C11orf97: variants seen among roughly 807,000 people sequenced by gnomAD.
C11orf97 encodes the protein uncharacterized protein C11orf97.
Under a neutral mutation model 16.2 loss-of-function variants are expected in C11orf97, and 15 were observed. The observed-to-expected ratio is 0.93, with a 90% CI of 0.62 to 1.43. The LOEUF is 1.43. C11orf97 is among the 40% of genes most tolerant of loss of function. The pLI is 0.00. For synonymous variants in C11orf97, 61 were observed against 65.7 expected, an observed-to-expected ratio of 0.93 and a Z score of 0.34; for missense variants, 171 against 161.2, an observed-to-expected ratio of 1.06 and a Z score of -0.33.
intron 3 of C11orf97, among the ~76,000 whole-genome samples, chr11:94,528,788 GT>G (rs1947718012): frequency 6.6e-6 from 1 of 152,162 alleles, no homozygotes; most frequent in Non-Finnish European, 1.5e-5. Context: ...GAAGACAGAG[GT>G]CTTCATATGG....
At chr11:94,530,214 T>C (rs1321592498) in intron 3 of C11orf97, among the ~76,000 whole-genome samples, 16 of 152,180 alleles carry the variant, frequency 1.1e-4, no homozygotes, top group Non-Finnish European at 2.2e-4. Flanking sequence ...CACACTACAT[T>C]CCTAGTAGCC....
At chr11:94,522,049 G>A (rs1400730945) in intron 2 of C11orf97, among the ~76,000 whole-genome samples, 2 of 152,166 alleles carry the variant, frequency 1.3e-5, no homozygotes, top group South Asian at 2.1e-4. Context: ...TACATTCTCC[G>A]AATCTTGATG....
At chr11:94,528,313 A>C in intron 3 of C11orf97, 104 bp downstream of exon 3, 1 of 1,085,536 alleles carries the variant, frequency 9.2e-7, no homozygotes, top group Non-Finnish European at 1.2e-6. Flanking sequence ...TCAAAACTCA[A>C]CCTTCCTTTG....
In C11orf97 at chr11:94,517,592, T is replaced by G; in HGVS notation, c.155T>G (p.Phe52Cys). Reference sequence around the variant, plus strand: ...GTTAATGCCTTTATAGGGAAGAAATTTTTATATTGTGAGCCACATAAGAGA... The same window carrying G: ...GTTAATGCCTTTATAGGGAAGAAATGTTTATATTGTGAGCCACATAAGAGA... ...PLEHGQQWKKFLYCEPHKRIK... is the reference protein window; with the variant it reads ...PLEHGQQWKKCLYCEPHKRIK... Residue 52 changes from phenylalanine to cysteine, a missense_variant, in exon 2 of 4, where the codon TTT (phenylalanine) becomes TGT (cysteine). Coordinates refer to ENST00000542198, the MANE Select transcript of C11orf97 (RefSeq NM_001190462.2). 6 of 1,525,276 alleles carry G rather than the reference T, an allele frequency of 3.9e-6. No individual in the cohort carries two copies. Among genetic ancestry groups the G allele is most frequent in the Non-Finnish European group, 5.3e-6 (6 of 1,142,224 alleles). The allele number at this position is 1,525,276 out of a possible 1,614,324, so 94.5% of individuals were successfully genotyped here.
At chr11:94,522,347 A>G (rs1273847887) in intron 2 of C11orf97, among the ~76,000 whole-genome samples, 3 of 152,156 alleles carry the variant, frequency 2.0e-5, no homozygotes, top group Non-Finnish European at 4.4e-5. Flanking sequence ...CATCCTGGCT[A>G]ACATGGTGAA....
In C11orf97 at chr11:94,522,186, T is replaced by G. The variant is rs531421416; in HGVS notation, c.250+4499T>G. On this transcript the variant is annotated intron_variant, in intron 2 of 3. Transcript: ENST00000542198. ...GTGTCTCTGCAGGCTAAACTTCTTTTCCTGGATGTCCCATAAGTCATAAGA... is the reference window on the plus strand; with the variant it reads ...GTGTCTCTGCAGGCTAAACTTCTTTGCCTGGATGTCCCATAAGTCATAAGA... Among the ~76,000 whole-genome samples the G allele has an allele frequency of 3.3e-5, 5 of 152,282 alleles. No individual in the cohort carries two copies. The South Asian group carries it at 1.0e-3, about 32-fold the overall frequency.
rs749842313 is a variant in C11orf97, at chr11:94,518,005, C to T, written c.250+318C>T. Among the ~76,000 whole-genome samples, 189 of 152,012 alleles carry T rather than the reference C, an allele frequency of 1.2e-3. 1 individual carries two copies. Among genetic ancestry groups the T allele is most frequent in the African/African-American group, 3.0e-3 (123 of 41,450 alleles). On this transcript the variant is annotated intron_variant, in intron 2 of 3. Coordinates refer to ENST00000542198, the MANE Select transcript of C11orf97 (RefSeq NM_001190462.2). ...TCTACTAAAAACACAAAAAATTAGC[C>T]GGGTATGGTGGCGGGCACCTGTAGT... is the stretch of plus-strand genomic sequence containing the variant.
chr11:94,513,075 A>G (rs1947582740), intron 1 of C11orf97, among the ~76,000 whole-genome samples: 1 of 152,158 alleles, frequency 6.6e-6, no homozygotes, highest in South Asian at 2.1e-4. Context: ...CAGTTATTTC[A>G]TTTTACAGAT....
At chr11:94,523,473 A>G (rs1318582388) in intron 2 of C11orf97, among the ~76,000 whole-genome samples, 2 of 152,240 alleles carry the variant, frequency 1.3e-5, no homozygotes, top group African/African-American at 4.8e-5. Context: ...AAAATACTGC[A>G]ATACTGGGCT....
intron 2 of C11orf97, among the ~76,000 whole-genome samples, chr11:94,524,623 C>T (rs994460013): frequency 1.4e-5 from 2 of 144,532 alleles, no homozygotes; most frequent in African/African-American, 2.5e-5. Flanking sequence ...GTTTTCTCAT[C>T]AGATCTTTTA....
chr11:94,523,126 A>G (rs951292298), intron 2 of C11orf97, among the ~76,000 whole-genome samples: 6 of 152,226 alleles, frequency 3.9e-5, no homozygotes, highest in African/African-American at 1.2e-4. Context: ...GCCTCCATCA[A>G]AAGTAGTAAA....
At chr11:94,526,873 A>T (rs1354750165) in intron 2 of C11orf97, among the ~76,000 whole-genome samples, 1 of 152,184 alleles carries the variant, frequency 6.6e-6, no homozygotes, top group Non-Finnish European at 1.5e-5. Context: ...TCCACTCAGG[A>T]GTGGGAAAGG....
intron 1 of C11orf97, among the ~76,000 whole-genome samples, chr11:94,514,545 T>C (rs575002078): frequency 2.6e-5 from 4 of 152,324 alleles, no homozygotes; most frequent in Non-Finnish European, 5.9e-5. Flanking sequence ...GTTGTTTGCT[T>C]GTAAACATCC....
At chr11:94,515,928 G>T (rs1005916084) in intron 1 of C11orf97, among the ~76,000 whole-genome samples, 3 of 152,002 alleles carry the variant, frequency 2.0e-5, no homozygotes, top group Non-Finnish European at 4.4e-5. Flanking sequence ...CCTTTCTGTT[G>T]TTCTGTTATA....
At chr11:94,517,856 G>GA (rs5793686) in intron 2 of C11orf97, among the ~76,000 whole-genome samples, 169 bp downstream of exon 2, 87,651 of 151,272 alleles carry the variant, frequency 0.58, 25,642 homozygotes, top group African/African-American at 0.63. Context: ...TTCATGTCTA[G>GA]AAAAAAAAAT....
rs1403325513 is a variant in C11orf97 at position 94,512,545 on chromosome 11, C to A, written c.17C>A (p.Ala6Glu). 56 of 1,309,666 alleles carry A rather than the reference C, an allele frequency of 4.3e-5. No individual in the cohort carries two copies. The highest frequency in any genetic ancestry group is 5.3e-5 in the Non-Finnish European group (55 of 1,028,706). The allele number at this position is 1,309,666 out of a possible 1,614,324, so 81.1% of individuals were successfully genotyped here. The change falls in exon 1 of 4, where the codon GCG (alanine) becomes GAG (glutamate). Residue 6 changes from alanine (A) to glutamate (E), a missense_variant. By Grantham distance (107) the Ala-to-Glu change is moderately radical. Transcript: ENST00000542198. MTGEE[A>E]VVVTAVVAPK... Reference sequence around the variant, plus strand: ...CGCTGCGGCATGACAGGCGAGGAGGCGGTGGTGGTGACCGCAGTGGTGGCG... The same window carrying A: ...CGCTGCGGCATGACAGGCGAGGAGGAGGTGGTGGTGACCGCAGTGGTGGCG...
chr11:94,512,565 G>T lies in C11orf97; in HGVS notation c.37G>T (p.Val13Leu), dbSNP rs1359186628. 1 of 1,310,078 alleles carries T rather than the reference G, an allele frequency of 7.6e-7. No homozygotes were observed. 81.2% of individuals were successfully genotyped at this position (1,310,078 alleles called of 1,614,324 possible). ...GEEAVVVTAV[V>L]APKAGREEEQ... is the part of the protein sequence containing the mutation. ...GGAGGCGGTGGTGGTGACCGCAGTG[G>T]TGGCGCCCAAGGCGGGTCGCGAAGA... The change falls in exon 1 of 4, where the codon GTG becomes TTG. Residue 13 changes from valine (V) to leucine (L), a missense_variant. Val to Leu is a conservative substitution (Grantham distance 32, BLOSUM62 1). Coordinates refer to ENST00000542198, the MANE Select transcript of C11orf97 (RefSeq NM_001190462.2).
intron 3 of C11orf97, among the ~76,000 whole-genome samples, chr11:94,529,302 C>T (rs1272236155): frequency 2.6e-5 from 4 of 152,042 alleles, no homozygotes; most frequent in African/African-American, 7.2e-5. Flanking sequence ...AGGGATGCAG[C>T]CTCTGGGATA....
intron 2 of C11orf97, among the ~76,000 whole-genome samples, chr11:94,524,016 T>C (rs996488803): frequency 2.0e-5 from 3 of 152,156 alleles, no homozygotes; most frequent in Non-Finnish European, 4.4e-5. Context: ...GATGTGTTGA[T>C]ACATGGGCTG....
Sources: allele counts gnomAD v4.1 joint callset (sites outside exome capture counted in the v4.1 genomes callset), GRCh38; gene constraint gnomAD v4.1.1; transcripts MANE v1.5; gene names NCBI Gene and HGNC (gene_info 2026-07-23, HGNC 2026-07-21).